Variants in IL20RB observed in about 807,000 individuals in gnomAD.
IL20RB encodes interleukin 20 receptor subunit beta.
A neutral mutation model predicts 33.3 loss-of-function variants in IL20RB; 21 were observed. The ratio of observed to expected loss-of-function variants is 0.63; its 90% CI spans 0.45 to 0.91. The LOEUF (loss-of-function observed/expected upper bound fraction) is 0.91, where lower values mean the gene tolerates loss of function less well. Among genes scored for constraint, IL20RB ranks in the 40% least tolerant of loss-of-function variants. IL20RB has a pLI of 0.00. For synonymous variants in IL20RB, 147 were observed against 146.8 expected (o/e 1.00, Z -0.01); for missense variants, 345 against 384.8 (o/e 0.90, Z 0.86).
rs751861399 is a variant in IL20RB, at chr3:136,986,212, CAAATAAATAAAT to C, written c.407-3193_407-3182del. Among the ~76,000 whole-genome samples the C allele has an allele frequency of 2.8e-3, 388 of 138,164 alleles. 1 individual carries two copies. The highest frequency in any genetic ancestry group is 0.021 in the Middle Eastern group (6 of 284). 90.6% of individuals were successfully genotyped at this position (138,164 alleles called of 152,430 possible). A position where few individuals can be genotyped will look rare whatever the true frequency, so the allele number is the denominator to read the frequency against. On this transcript the variant is annotated intron_variant, in intron 3 of 6. Coordinates refer to ENST00000329582, the MANE Select transcript of IL20RB (RefSeq NM_144717.4). Reference sequence around the variant, plus strand: ...TGGGCGACAGAGCGAGACTCCATCTCAAATAAATAAATAAATAAATAAATAAATAAATAAATA... The same window carrying C: ...TGGGCGACAGAGCGAGACTCCATCTCAAATAAATAAATAAATAAATAAATA...
chr3:136,961,753 T>C (rs989445155), intron 1 of IL20RB, among the ~76,000 whole-genome samples: 2 of 152,196 alleles, frequency 1.3e-5, no homozygotes, highest in African/African-American at 4.8e-5. Flanking sequence ...ACAAATGTAT[T>C]ATGGTTACAT....
At chr3:136,975,280 C>T (rs1442411094) in intron 1 of IL20RB, among the ~76,000 whole-genome samples, 2 of 152,100 alleles carry the variant, frequency 1.3e-5, no homozygotes, top group Non-Finnish European at 2.9e-5. Flanking sequence ...GGATGTTTTC[C>T]TGAAGATGTA....
intron 4 of IL20RB, among the ~76,000 whole-genome samples, chr3:136,990,855 G>A (rs1942018320): frequency 6.6e-6 from 1 of 152,216 alleles, no homozygotes; most frequent in Non-Finnish European, 1.5e-5. Context: ...AAGAGCCCAC[G>A]GTAGGATATG....
chr3:137,000,574 G>C (rs557132731), intron 6 of IL20RB, among the ~76,000 whole-genome samples: 1 of 152,274 alleles, frequency 6.6e-6, no homozygotes, highest in East Asian at 1.9e-4. Context: ...TTTAATATTT[G>C]GGTCAGTTTT....
At chr3:136,987,525 C>T (rs1007125526) in intron 3 of IL20RB, among the ~76,000 whole-genome samples, 1 of 152,260 alleles carries the variant, frequency 6.6e-6, no homozygotes, top group African/African-American at 2.4e-5. Flanking sequence ...GCTGGCTTCA[C>T]CCAGTGGATC....
chr3:136,961,377 A>G (rs1051550799), intron 1 of IL20RB, among the ~76,000 whole-genome samples: 32 of 152,012 alleles, frequency 2.1e-4, no homozygotes, highest in Non-Finnish European at 1.5e-5. Context: ...CCAACCTCAA[A>G]TGCACATTGG....
chr3:136,958,874 T>C (rs1327649446), intron 1 of IL20RB, among the ~76,000 whole-genome samples: 1 of 152,110 alleles, frequency 6.6e-6, no homozygotes, highest in East Asian at 1.9e-4. Context: ...TCCAAGACAC[T>C]AGGCACTTTG....
intron 1 of IL20RB, among the ~76,000 whole-genome samples, chr3:136,976,036 G>A (rs921578490): frequency 3.3e-5 from 5 of 152,224 alleles, no homozygotes; most frequent in African/African-American, 4.8e-5. Context: ...GGCAGTGGGT[G>A]TGACAGAGTG....
At chr3:136,975,420 C>T (rs1432723500) in intron 1 of IL20RB, among the ~76,000 whole-genome samples, 1 of 152,098 alleles carries the variant, frequency 6.6e-6, no homozygotes, top group Non-Finnish European at 1.5e-5. Context: ...CTCACTGCAA[C>T]CTCTGCCTTC....
intron 5 of IL20RB, among the ~76,000 whole-genome samples, chr3:136,993,459 A>T (rs1390911832): frequency 6.6e-6 from 1 of 152,146 alleles, no homozygotes; most frequent in African/African-American, 2.4e-5. Context: ...TCTAGGGTAC[A>T]TGTGCACAAA....
At chr3:137,008,175 T>G (rs1293160291) in intron 6 of IL20RB, among the ~76,000 whole-genome samples, 6 of 152,094 alleles carry the variant, frequency 3.9e-5, no homozygotes, top group Non-Finnish European at 5.9e-5. Flanking sequence ...GGTCCCAAAT[T>G]AGTAATTCTT....
chr3:136,999,540 C>A (rs1455748790), intron 6 of IL20RB, among the ~76,000 whole-genome samples: 2 of 149,594 alleles, frequency 1.3e-5, no homozygotes, highest in Non-Finnish European at 3.0e-5. Flanking sequence ...CTGCTCCCAG[C>A]CCATATTTCT....
chr3:137,007,591 G>A (rs934480373), intron 6 of IL20RB, among the ~76,000 whole-genome samples: 2 of 152,232 alleles, frequency 1.3e-5, no homozygotes, highest in East Asian at 1.9e-4. Context: ...GAGACCTGCC[G>A]AGCCAGGCAC....
intron 3 of IL20RB, among the ~76,000 whole-genome samples, chr3:136,984,820 T>C (rs1296325151): frequency 1.3e-5 from 2 of 152,126 alleles, no homozygotes. Context: ...TGGCTGAATT[T>C]GGTCCAAGAG....
intron 3 of IL20RB, among the ~76,000 whole-genome samples, chr3:136,982,833 C>A (rs1941810210): frequency 6.6e-6 from 1 of 152,206 alleles, no homozygotes; most frequent in Non-Finnish European, 1.5e-5. Context: ...AAATAAATAA[C>A]TTTTCTTTTG....
intron 6 of IL20RB, among the ~76,000 whole-genome samples, chr3:137,004,594 G>A (rs1018506825): frequency 1.3e-5 from 2 of 152,172 alleles, no homozygotes; most frequent in African/African-American, 4.8e-5. Flanking sequence ...TTGTATTTCT[G>A]TGGGATCGGT....
At chr3:136,995,342 G>A (rs1270385390) in intron 5 of IL20RB, 72 bp from the exon 6 acceptor site, 15 of 1,555,112 alleles carry the variant, frequency 9.6e-6, no homozygotes, top group South Asian at 5.9e-5. Flanking sequence ...CCAGGAAACC[G>A]GGGGAGGCTC....
intron 1 of IL20RB, 150 bp downstream of exon 1, chr3:136,958,351 A>G (rs1271710026): frequency 5.5e-6 from 3 of 549,662 alleles, no homozygotes; most frequent in Admixed American, 7.0e-5. Context: ...CTAAACCTCT[A>G]TTCCCACATC....
At chr3:137,000,509 C>G (rs536756390) in intron 6 of IL20RB, among the ~76,000 whole-genome samples, 1 of 152,330 alleles carries the variant, frequency 6.6e-6, no homozygotes, top group South Asian at 2.1e-4. Flanking sequence ...CAGTGACATT[C>G]CCTTCTTCCA....
Sources: allele counts gnomAD v4.1 joint callset (sites outside exome capture counted in the v4.1 genomes callset), GRCh38; gene constraint gnomAD v4.1.1; transcripts MANE v1.5; gene names NCBI Gene and HGNC (gene_info 2026-07-23, HGNC 2026-07-21).